The following ERO1B variants were observed in gnomAD, a reference collection of about 807,000 sequenced individuals.
The protein encoded by ERO1B is ERO1-like protein beta.
Under a neutral mutation model 75.3 loss-of-function variants are expected in ERO1B, and 49 were observed. That is an observed-to-expected ratio of 0.65 (90% CI 0.52 to 0.83). The LOEUF (loss-of-function observed/expected upper bound fraction) is 0.83, where lower values mean the gene tolerates loss of function less well. Among genes scored for constraint, ERO1B ranks in the 40% least tolerant of loss-of-function variants. The pLI is 0.00. For synonymous variants in ERO1B, 191 were observed against 192.9 expected (o/e 0.99, Z 0.08); for missense variants, 512 against 560.1 (o/e 0.91, Z 0.87).
intron 15 of ERO1B, 136 bp downstream of exon 15, chr1:236,220,696 C>G: frequency 2.4e-6 from 2 of 826,800 alleles, no homozygotes; most frequent in South Asian, 3.7e-5. Flanking sequence ...TAAGGCCTCT[C>G]TAAGTTAGTA....
At position 236,218,491 on chromosome 1, in the gene ERO1B, C is replaced by G. The variant is rs750155956; in HGVS notation, c.*25G>C. On this transcript the variant is annotated 3_prime_UTR_variant, in exon 16 of 16. Coordinates refer to ENST00000354619, the MANE Select transcript of ERO1B (RefSeq NM_019891.4). ...GGCTTTCCACAGTCACTTTATGTCT[C>G]TAGTTAGACACATAAAAGCCTTTAT... 7.0e-7 allele frequency: 1 copy of G among 1,428,534 alleles called. No individual in the cohort carries two copies. Among genetic ancestry groups the G allele is most frequent in the Non-Finnish European group, 9.2e-7 (1 of 1,086,228 alleles). 88.5% of individuals were successfully genotyped at this position (1,428,534 alleles called of 1,614,324 possible).
intron 13 of ERO1B, among the ~76,000 whole-genome samples, chr1:236,222,756 G>T (rs577531507): frequency 6.6e-6 from 1 of 152,126 alleles, no homozygotes; most frequent in African/African-American, 2.4e-5. Flanking sequence ...ATCAATTTTT[G>T]TATCACTCCT....
At chr1:236,271,910 C>T (rs1232937233) in intron 1 of ERO1B, among the ~76,000 whole-genome samples, 3 of 151,972 alleles carry the variant, frequency 2.0e-5, no homozygotes, top group Non-Finnish European at 4.4e-5. Context: ...TTCTTTAAAA[C>T]ATTTTAATTG....
intron 14 of ERO1B, among the ~76,000 whole-genome samples, chr1:236,221,381 T>C (rs1346134062): frequency 6.6e-6 from 1 of 152,118 alleles, no homozygotes; most frequent in East Asian, 1.9e-4. Context: ...TTTATTTCAG[T>C]ATAGCCTCCA....
At chr1:236,219,982 C>G (rs929853924) in intron 15 of ERO1B, among the ~76,000 whole-genome samples, 3 of 145,802 alleles carry the variant, frequency 2.1e-5, no homozygotes, top group African/African-American at 7.8e-5. Context: ...CATGATTGTG[C>G]CACTGCATTC....
At chr1:236,221,204 A>C (rs1206255258) in intron 14 of ERO1B, among the ~76,000 whole-genome samples, 1 of 152,200 alleles carries the variant, frequency 6.6e-6, no homozygotes, top group Non-Finnish European at 1.5e-5. Context: ...ATACTATTCC[A>C]AATTATTAAA....
intron 1 of ERO1B, among the ~76,000 whole-genome samples, chr1:236,278,422 A>G (rs1387569081): frequency 6.6e-6 from 1 of 151,900 alleles, no homozygotes; most frequent in African/African-American, 2.4e-5. Context: ...ACGAGAAATG[A>G]ATTATGGTGG....
chr1:236,275,843 T>C (rs1206152801), intron 1 of ERO1B, among the ~76,000 whole-genome samples: 1 of 152,168 alleles, frequency 6.6e-6, no homozygotes, highest in Non-Finnish European at 1.5e-5. Context: ...ACCAAATATA[T>C]TTTTGGATGA....
At chr1:236,248,538 A>G (rs970785505) in intron 5 of ERO1B, among the ~76,000 whole-genome samples, 6 of 152,226 alleles carry the variant, frequency 3.9e-5, no homozygotes, top group African/African-American at 1.4e-4. Flanking sequence ...AAAATATGGG[A>G]TATTTATATG....
Position 236,272,941 on chromosome 1 carries a change from CATTTT to C in ERO1B, c.103-2952_103-2948del, listed in dbSNP as rs551973428. Among the ~76,000 whole-genome samples the C allele has an allele frequency of 4.8e-3, 729 of 152,264 alleles. 10 individuals carry two copies. Among genetic ancestry groups the C allele is most frequent in the African/African-American group, 0.015 (625 of 41,548 alleles). ...TTCATTTTCCCTGTTGCAAGTGTTA[CATTTT>C]ATTAGAATATCATAATTTATCCATT... is the stretch of plus-strand genomic sequence containing the variant. On this transcript the variant is annotated intron_variant, in intron 1 of 15. Transcript: ENST00000354619.
At chr1:236,258,701 A>T (rs1218377040) in intron 2 of ERO1B, among the ~76,000 whole-genome samples, 2 of 152,166 alleles carry the variant, frequency 1.3e-5, no homozygotes, top group East Asian at 3.9e-4. Context: ...AGCCTGGCCA[A>T]CGTGGTGAAA....
chr1:236,242,713 A>G (rs1037668429), intron 6 of ERO1B, among the ~76,000 whole-genome samples: 6 of 152,174 alleles, frequency 3.9e-5, no homozygotes, highest in Non-Finnish European at 5.9e-5. Context: ...TGTGAAAAAT[A>G]TAACAATACC....
chr1:236,250,601 A>ATATATATATATATATATAT (rs1558515525), intron 4 of ERO1B, among the ~76,000 whole-genome samples: 2 of 63,948 alleles, frequency 3.1e-5, no homozygotes, highest in African/African-American at 1.1e-4. Flanking sequence ...ATATATATAT[A>ATATATATATATATATATAT]TATATATATA....
intron 6 of ERO1B, among the ~76,000 whole-genome samples, chr1:236,241,808 C>T (rs949352040): frequency 1.3e-5 from 2 of 151,874 alleles, no homozygotes; most frequent in Non-Finnish European, 2.9e-5. Flanking sequence ...GTGGCTCAAG[C>T]CTGTAATCCC....
Position 236,222,021 on chromosome 1 carries a change from G to T in ERO1B, c.1123-11C>A, listed in dbSNP as rs1418008211. ...TAATCGGAATTCCTCCTAGCAAGCA[G>T]AAAATATTTTCAGTCTAATTAGACT... On this transcript the variant is annotated splice_polypyrimidine_tract_variant and intron_variant, in intron 13 of 15. Coordinates refer to ENST00000354619, the MANE Select transcript of ERO1B (RefSeq NM_019891.4). The T allele has an allele frequency of 6.2e-7, 1 of 1,605,488 alleles. No homozygotes were observed. The highest frequency in any genetic ancestry group is 1.1e-5 in the South Asian group (1 of 90,846).
intron 6 of ERO1B, among the ~76,000 whole-genome samples, chr1:236,239,795 A>ATATATATGTGTGTG (rs1258632489): frequency 1.3e-4 from 11 of 87,870 alleles, no homozygotes; most frequent in Non-Finnish European, 2.4e-4. Flanking sequence ...TCAAGTATAT[A>ATATATATGTGTGTG]TATATATATA....
intron 1 of ERO1B, among the ~76,000 whole-genome samples, chr1:236,273,980 A>AT (rs71176477): frequency 0.02 from 1,862 of 94,484 alleles, 53 homozygotes; most frequent in East Asian, 0.026. Flanking sequence ...GCCATATCCT[A>AT]TTTTTTTTTT....
chr1:236,254,090 G>A (rs558350122), intron 2 of ERO1B, among the ~76,000 whole-genome samples: 6 of 152,242 alleles, frequency 3.9e-5, no homozygotes, highest in East Asian at 1.9e-4. Flanking sequence ...ACACCAGTTG[G>A]GCTGACGTTT....
At chr1:236,277,038 T>C (rs1665723494) in intron 1 of ERO1B, among the ~76,000 whole-genome samples, 1 of 152,166 alleles carries the variant, frequency 6.6e-6, no homozygotes, top group Non-Finnish European at 1.5e-5. Flanking sequence ...ATGCTTCCTG[T>C]ACAGCTGTGA....
Sources: allele counts gnomAD v4.1 joint callset (sites outside exome capture counted in the v4.1 genomes callset), GRCh38; gene constraint gnomAD v4.1.1; transcripts MANE v1.5; gene names NCBI Gene and HGNC (gene_info 2026-07-23, HGNC 2026-07-21).